The following CCDC102B variants were observed in gnomAD, a reference collection of about 807,000 sequenced individuals.
CCDC102B encodes the protein coiled-coil domain-containing protein 102B.
CCDC102B carries 75 observed loss-of-function variants against 57.4 expected under a neutral mutation model. That is an observed-to-expected ratio of 1.31 (90% confidence interval 1.08 to 1.58). CCDC102B has a LOEUF of 1.58. Among genes scored for constraint, CCDC102B ranks in the 40% most tolerant of loss-of-function variants. The probability of loss-of-function intolerance (pLI) is 0.00; values close to 1 mark genes in which losing one functional copy is unlikely to be tolerated. For missense variants in CCDC102B, 636 were observed against 582.6 expected (o/e 1.09, Z -0.94); for synonymous variants, 206 against 201.9 (o/e 1.02, Z -0.17).
At chr18:68,939,678 A>G (rs900839512) in intron 6 of CCDC102B, among the ~76,000 whole-genome samples, 4 of 151,846 alleles carry the variant, frequency 2.6e-5, no homozygotes, top group Non-Finnish European at 5.9e-5. Context: ...GTTGCAATAG[A>G]TTATGCCACA....
intron 2 of CCDC102B, among the ~76,000 whole-genome samples, chr18:68,738,624 T>C (rs2033249394): frequency 1.3e-5 from 2 of 152,188 alleles, no homozygotes; most frequent in Non-Finnish European, 2.9e-5. Flanking sequence ...GGCTGCTTCA[T>C]CTGAGCCCAT....
intron 5 of CCDC102B, among the ~76,000 whole-genome samples, chr18:68,887,339 C>T (rs942092841): frequency 2.0e-5 from 3 of 152,070 alleles, no homozygotes; most frequent in African/African-American, 7.2e-5. Context: ...TAAAATTTTC[C>T]CTATAAATGA....
intron 2 of CCDC102B, among the ~76,000 whole-genome samples, chr18:68,782,077 A>G (rs1363436791): frequency 6.6e-6 from 1 of 152,134 alleles, no homozygotes; most frequent in East Asian, 1.9e-4. Flanking sequence ...AAGAAGCAAT[A>G]GCAGTCTTGT....
At chr18:68,812,307 A>G (rs958236408) in intron 1 of CCDC102B, among the ~76,000 whole-genome samples, 2 of 152,124 alleles carry the variant, frequency 1.3e-5, no homozygotes, top group Non-Finnish European at 2.9e-5. Flanking sequence ...ATAAAAAGTG[A>G]TAAAATTTTA....
rs2049890585 is a variant in CCDC102B, at chr18:68,956,528, TATTATATATTTTATATATATAA to T, written c.1264-54403_1264-54382del. Reference sequence around the variant, plus strand: ...TAATATATATATCGCATATTATATATATTATATATTTTATATATATAAATATTATATATATTATATATTTTAT... The same window carrying T: ...TAATATATATATCGCATATTATATATATATTATATATATTATATATTTTAT... On this transcript the variant is annotated intron_variant, in intron 6 of 7. Coordinates refer to ENST00000360242, the MANE Select transcript of CCDC102B (RefSeq NM_024781.3). Among the ~76,000 whole-genome samples the T allele has an allele frequency of 3.5e-4, 4 of 11,574 alleles. No homozygotes were observed. The South Asian group carries it at 0.011, about 31-fold the overall frequency. The allele number at this position is 11,574 out of a possible 152,430, so 7.6% of individuals were successfully genotyped here. A position where few individuals can be genotyped will look rare whatever the true frequency, so the allele number is the denominator to read the frequency against.
intron 1 of CCDC102B, among the ~76,000 whole-genome samples, chr18:68,800,519 C>G (rs761134250): frequency 6.6e-5 from 10 of 152,258 alleles, no homozygotes; most frequent in Non-Finnish European, 1.3e-4. Flanking sequence ...TTATGCTTTT[C>G]TCTCTCTTAC....
At chr18:69,045,965 C>A (rs1039015788) in intron 7 of CCDC102B, among the ~76,000 whole-genome samples, 1 of 152,032 alleles carries the variant, frequency 6.6e-6, no homozygotes, top group Non-Finnish European at 1.5e-5. Flanking sequence ...GCATAGTGTC[C>A]CATGGTGTAC....
intron 1 of CCDC102B, among the ~76,000 whole-genome samples, chr18:68,801,578 A>G (rs558590643): frequency 9.9e-5 from 15 of 151,996 alleles, no homozygotes; most frequent in African/African-American, 3.4e-4. Context: ...GAAAAAAAAC[A>G]TATGCTCACT....
chr18:68,835,621 C>A lies in CCDC102B; in HGVS notation c.-15-1128C>A, dbSNP rs138338454. Reference sequence around the variant, plus strand: ...TGCCTGAAAATAACAGAAAACTCAACCATCATAACTTAAATAAATATAGGT... The same window carrying A: ...TGCCTGAAAATAACAGAAAACTCAAACATCATAACTTAAATAAATATAGGT... On this transcript the variant is annotated intron_variant, in intron 1 of 7. Coordinates refer to ENST00000360242, the MANE Select transcript of CCDC102B (RefSeq NM_024781.3). 2.4e-4 allele frequency among the ~76,000 whole-genome samples: 36 copies of A among 152,226 alleles called. 1 individual carries two copies. In the East Asian group the frequency reaches 6.8e-3, roughly 29 times the overall value.
intron 6 of CCDC102B, among the ~76,000 whole-genome samples, chr18:68,966,637 G>A (rs151225546): frequency 4.6e-5 from 7 of 152,170 alleles, no homozygotes; most frequent in South Asian, 2.1e-4. Flanking sequence ...ATGTGTTGCC[G>A]CATTCCCTGC....
At chr18:68,969,199 G>T (rs2034319493) in intron 6 of CCDC102B, among the ~76,000 whole-genome samples, 1 of 152,060 alleles carries the variant, frequency 6.6e-6, no homozygotes, top group Non-Finnish European at 1.5e-5. Flanking sequence ...CCCCATCCAG[G>T]TTCCTGACTG....
intron 1 of CCDC102B, among the ~76,000 whole-genome samples, chr18:68,803,922 C>T (rs960572888): frequency 3.9e-5 from 6 of 152,074 alleles, no homozygotes; most frequent in African/African-American, 1.2e-4. Flanking sequence ...GATGGGAAGT[C>T]ATTTGAATGT....
intron 2 of CCDC102B, among the ~76,000 whole-genome samples, chr18:68,743,302 G>A (rs543600567): frequency 6.6e-6 from 1 of 152,246 alleles, no homozygotes; most frequent in South Asian, 2.1e-4. Context: ...CAGCTACTCA[G>A]GAGACTGAGA....
At chr18:68,955,550 G>A (rs2049820573) in intron 6 of CCDC102B, among the ~76,000 whole-genome samples, 1 of 151,960 alleles carries the variant, frequency 6.6e-6, no homozygotes, top group Non-Finnish European at 1.5e-5. Flanking sequence ...TCATTTCCAT[G>A]ACAATGATTT....
At chr18:68,916,008 A>G (rs978974097) in intron 6 of CCDC102B, among the ~76,000 whole-genome samples, 2 of 152,182 alleles carry the variant, frequency 1.3e-5, no homozygotes, top group Admixed American at 6.5e-5. Context: ...AAAAGGTGCA[A>G]GTTATCACAT....
intron 1 of CCDC102B, among the ~76,000 whole-genome samples, chr18:68,716,291 T>A (rs1270315128): frequency 4.1e-5 from 2 of 49,336 alleles, no homozygotes; most frequent in African/African-American, 1.2e-4. Context: ...CATATTCAAT[T>A]TTTTTTTTTC....
intron 4 of CCDC102B, among the ~76,000 whole-genome samples, chr18:68,854,456 A>G (rs2038291472): frequency 6.6e-6 from 1 of 152,220 alleles, no homozygotes; most frequent in South Asian, 2.1e-4. Context: ...ACTTAATAAT[A>G]TTAACAATAA....
intron 6 of CCDC102B, among the ~76,000 whole-genome samples, chr18:68,966,311 C>A (rs1350348484): frequency 6.6e-6 from 1 of 152,126 alleles, no homozygotes; most frequent in East Asian, 1.9e-4. Context: ...TCTCCCCAGA[C>A]TGAGTCTCCT....
rs80102957 is a variant in CCDC102B at position 68,806,368 on chromosome 18, C to T, written c.-16+8187C>T. 1.1e-3 allele frequency among the ~76,000 whole-genome samples: 161 copies of T among 151,914 alleles called. 1 individual carries two copies. The East Asian group carries it at 0.029, about 27-fold the overall frequency. On this transcript the variant is annotated intron_variant, in intron 1 of 7. Transcript: ENST00000360242. ...ACATCACCTCTTCTGTATTATGTGG[C>T]CATGTGGAAGAGAATGAGAATGTCA...
Sources: allele counts gnomAD v4.1 joint callset (sites outside exome capture counted in the v4.1 genomes callset), GRCh38; gene constraint gnomAD v4.1.1; transcripts MANE v1.5; gene names NCBI Gene and HGNC (gene_info 2026-07-23, HGNC 2026-07-21).